The following PRX variants were observed in gnomAD, a reference collection of about 807,000 sequenced individuals.
The protein encoded by PRX is periaxin.
A neutral mutation model predicts 29.6 loss-of-function variants in PRX; 24 were observed. That is an observed-to-expected ratio of 0.81 (90% CI 0.59 to 1.14). The LOEUF (loss-of-function observed/expected upper bound fraction) is 1.14. Ranked by LOEUF, PRX falls within the 50% of genes most tolerant of loss-of-function variation. The pLI is 0.00. For synonymous variants in PRX, 772 were observed against 831.7 expected, an observed-to-expected ratio of 0.93 and a Z score of 1.24; for missense variants, 1,838 against 1,926.4, an observed-to-expected ratio of 0.95 and a Z score of 0.86.
intron 4 of PRX, among the ~76,000 whole-genome samples, chr19:40,404,278 C>T (rs1400362240): frequency 6.6e-6 from 1 of 152,068 alleles, no homozygotes; most frequent in Non-Finnish European, 1.5e-5. Context: ...TCTCCGAGGC[C>T]CTGGAGCGGC....
In PRX at chr19:40,413,368, T is replaced by A. The variant is rs1445819965; in HGVS notation, c.-273A>T. 10 of 152,124 alleles carry A rather than the reference T, an allele frequency of 6.6e-5. No individual in the cohort carries two copies. Among genetic ancestry groups the A allele is most frequent in the Admixed American group, 6.6e-4 (10 of 15,238 alleles). 9.4% of individuals were successfully genotyped at this position (152,124 alleles called of 1,614,324 possible). A position where few individuals can be genotyped will look rare whatever the true frequency, so the allele number is the denominator to read the frequency against. ...AGCCTCCAGACACCTCGAGAGCTCC[T>A]GGTCCCGTCTGTCAGCCCTAGCCCT... On this transcript the variant is annotated 5_prime_UTR_variant, in exon 1 of 7. Coordinates refer to ENST00000324001, the MANE Select transcript of PRX (RefSeq NM_181882.3).
At chr19:40,399,457 T>G (rs2079472993) in intron 5 of PRX, among the ~76,000 whole-genome samples, 1 of 152,204 alleles carries the variant, frequency 6.6e-6, no homozygotes. Context: ...TTACCAGTTC[T>G]CCAGTCACAC....
In PRX at chr19:40,408,235, C is replaced by T; in HGVS notation, c.-177G>A. On this transcript the variant is annotated 5_prime_UTR_variant, in exon 3 of 7. Coordinates refer to ENST00000324001, the MANE Select transcript of PRX (RefSeq NM_181882.3). ...GCACAGCTGTCTGCAGGGCTCACGC[C>T]CTTCCGTGGGGTTCTTGCTGCCTGC... is the stretch of plus-strand genomic sequence containing the variant. 1.8e-6 allele frequency: 1 copy of T among 542,988 alleles called. No homozygotes were observed. The highest frequency in any genetic ancestry group is 2.2e-5 in the South Asian group (1 of 45,458). 33.6% of individuals were successfully genotyped at this position (542,988 alleles called of 1,614,324 possible). A position where few individuals can be genotyped will look rare whatever the true frequency, so the allele number is the denominator to read the frequency against.
At chr19:40,403,657 AACCCCGCCCCCGCAGTTCG>A in intron 5 of PRX, 30 bp downstream of exon 5, 1 of 1,513,500 alleles carries the variant, frequency 6.6e-7, no homozygotes. Context: ...GCAGATTCCT[AACCCCGCCCCCGCAGTTCG>A]ACCCCGCCCC....
Position 40,395,310 on chromosome 19 carries a change from G to A in PRX, c.3042C>T (p.Leu1014=), listed in dbSNP as rs1194905400. Residue 1014 remains leucine, a synonymous_variant, in exon 7 of 7, where the codon CTC becomes CTT. Coordinates refer to ENST00000324001, the MANE Select transcript of PRX (RefSeq NM_181882.3). ...GAGCAAACCTGGGCCCCTTGAACTTGAGGTCGGCCCCTGCCACCTCTACCT... is the reference window on the plus strand; with the variant it reads ...GAGCAAACCTGGGCCCCTTGAACTTAAGGTCGGCCCCTGCCACCTCTACCT... ...SGKVEVAGAD[L]KFKGPRFALP... is the part of the protein sequence containing the mutation. 1.2e-6 allele frequency: 2 copies of A among 1,613,446 alleles called. No homozygotes were observed. Among genetic ancestry groups the A allele is most frequent in the Non-Finnish European group, 8.5e-7 (1 of 1,180,040 alleles).
At chr19:40,411,271 G>A (rs908684375) in intron 1 of PRX, among the ~76,000 whole-genome samples, 1 of 152,118 alleles carries the variant, frequency 6.6e-6, no homozygotes, top group Non-Finnish European at 1.5e-5. Context: ...GCCTGGACCG[G>A]GCAGGCGCTT....
chr19:40,399,903 CTT>C (rs59809840), intron 5 of PRX, among the ~76,000 whole-genome samples: 9,992 of 59,428 alleles, frequency 0.17, 426 homozygotes, highest in African/African-American at 0.24. Flanking sequence ...TTCTTTCTTT[CTT>C]TTTCTTTCTT....
Position 40,397,350 on chromosome 19 carries a change from C to A in PRX, c.1002G>T (p.Gly334=), listed in dbSNP as rs755650027. 2.5e-6 allele frequency: 4 copies of A among 1,612,988 alleles called. No homozygotes were observed. The East Asian group carries it at 8.9e-5, about 36-fold the overall frequency. Residue 334 remains glycine (G), a synonymous_variant, in exon 7 of 7, where the codon GGG becomes GGT. Coordinates refer to ENST00000324001, the MANE Select transcript of PRX (RefSeq NM_181882.3). ...CTGCACCCGGCAAGGCCAGGTCCACCCCCACAGTCGGTGCTGCCACATCCA... is the reference window on the plus strand; with the variant it reads ...CTGCACCCGGCAAGGCCAGGTCCACACCCACAGTCGGTGCTGCCACATCCA... ...PTLDVAAPTV[G]VDLALPGAEV...
At chr19:40,404,884 T>C (rs977698021) in intron 4 of PRX, among the ~76,000 whole-genome samples, 1 of 152,038 alleles carries the variant, frequency 6.6e-6, no homozygotes, top group Non-Finnish European at 1.5e-5. Context: ...CGGAGACCCA[T>C]ATTCTACAAA....
chr19:40,401,769 C>CTTT (rs371966168), intron 5 of PRX, among the ~76,000 whole-genome samples: 25 of 138,494 alleles, frequency 1.8e-4, no homozygotes, highest in Non-Finnish European at 3.0e-4. Flanking sequence ...CAGCCCACCC[C>CTTT]TTTTTTTTTT....
In PRX at chr19:40,395,153, C is replaced by T. The variant is rs1164086214; in HGVS notation, c.3199G>A (p.Gly1067Arg). 6.2e-7 allele frequency: 1 copy of T among 1,614,188 alleles called. No homozygotes were observed. The highest frequency in any genetic ancestry group is 8.5e-7 in the Non-Finnish European group (1 of 1,180,026). The change falls in exon 7 of 7, where the codon GGG (glycine) becomes AGG (arginine). Residue 1067 changes from glycine (G) to arginine (R), a missense_variant. By Grantham distance (125) the Gly-to-Arg change is moderately radical. Transcript: ENST00000324001. Reference sequence around the variant, plus strand: ...TCTGCTTCCTTCCCTCGAGCCAGCCCAAAGGAAGGCATCTTCAGCTTGGGC... The same window carrying T: ...TCTGCTTCCTTCCCTCGAGCCAGCCTAAAGGAAGGCATCTTCAGCTTGGGC... The part of the protein sequence containing the change: ...KMPKLKMPSF[G>R]LARGKEAEVQ...
chr19:40,398,051 G>A lies in PRX; in HGVS notation c.382-81C>T, dbSNP rs1455952538. On this transcript the variant is annotated intron_variant, in intron 6 of 6. Transcript: ENST00000324001. This position sits in a 1 kb window ranked among gnomAD's most constrained non-coding sequence, Gnocchi z 6.3. ...ACAGGAAGAGCCCCACCTGGTATTG[G>A]ACCAGGCGGGGGATGTGCTGGGTCA... The A allele has an allele frequency of 2.0e-6, 3 of 1,515,930 alleles. No individual in the cohort carries two copies. The African/African-American group carries it at 4.2e-5, about 21-fold the overall frequency. The allele number at this position is 1,515,930 out of a possible 1,614,324, so 93.9% of individuals were successfully genotyped here. A position where few individuals can be genotyped will look rare whatever the true frequency, so the allele number is the denominator to read the frequency against.
chr19:40,411,568 G>A (rs985528804), intron 1 of PRX, among the ~76,000 whole-genome samples: 3 of 152,106 alleles, frequency 2.0e-5, no homozygotes, highest in African/African-American at 7.2e-5. Context: ...GCGGGGCAGG[G>A]ACAAGAGAGA....
At chr19:40,409,153 C>T (rs2079546951) in intron 1 of PRX, among the ~76,000 whole-genome samples, 1 of 151,944 alleles carries the variant, frequency 6.6e-6, no homozygotes, top group Non-Finnish European at 1.5e-5. Flanking sequence ...CACCTGGCAA[C>T]ACCAGGTTAA....
At chr19:40,402,730 G>C (rs1002102409) in intron 5 of PRX, among the ~76,000 whole-genome samples, 9 of 144,636 alleles carry the variant, frequency 6.2e-5, no homozygotes, top group African/African-American at 1.9e-4. Context: ...AGCCGAGATT[G>C]CGCCACTGCA....
intron 5 of PRX, among the ~76,000 whole-genome samples, chr19:40,399,883 C>CTT (rs1195757375): frequency 1.4e-5 from 1 of 71,772 alleles, no homozygotes; most frequent in Non-Finnish European, 2.9e-5. Flanking sequence ...TTCTTTCTTT[C>CTT]TTTCTTTCTT....
intron 1 of PRX, among the ~76,000 whole-genome samples, chr19:40,412,884 TA>T (rs962544979): frequency 1.3e-5 from 2 of 152,038 alleles, no homozygotes; most frequent in Non-Finnish European, 2.9e-5. Context: ...CCCAGCTAAT[TA>T]AAAAAAATTT....
chr19:40,394,405 G>GC lies in PRX; in HGVS notation c.3946dup (p.Ala1316GlyfsTer9). ...CTCACCCTCCTCGGCCCCCTCCTTG[G>GC]CCCGCACCAGGCCAAACCGGGGCAG... On this transcript the variant is annotated frameshift_variant, in exon 7 of 7. Coordinates refer to ENST00000324001, the MANE Select transcript of PRX (RefSeq NM_181882.3). LOFTEE classifies it high-confidence loss of function. The surrounding 1 kb of genome is among the most constrained non-coding windows in gnomAD (Gnocchi z 5.8). 6.2e-7 allele frequency: 1 copy of GC among 1,600,720 alleles called. No homozygotes were observed.
At chr19:40,412,437 G>A (rs920846918) in intron 1 of PRX, among the ~76,000 whole-genome samples, 6 of 152,284 alleles carry the variant, frequency 3.9e-5, no homozygotes, top group Admixed American at 3.9e-4. Context: ...AGAACAGCAG[G>A]TGCTTAGAAT....
Sources: allele counts gnomAD v4.1 joint callset (sites outside exome capture counted in the v4.1 genomes callset), GRCh38; gene constraint gnomAD v4.1.1; non-coding constraint Gnocchi (gnomAD v3.1); transcripts MANE v1.5; gene names NCBI Gene and HGNC (gene_info 2026-07-23, HGNC 2026-07-21).